The following IDUA variants were observed in gnomAD, a reference collection of about 807,000 sequenced individuals.
The protein encoded by IDUA is iduronidase alpha-L-.
IDUA carries 65 observed loss-of-function variants against 68.9 expected under a neutral mutation model. That is an observed-to-expected ratio of 0.94 (90% CI 0.77 to 1.16). The LOEUF (loss-of-function observed/expected upper bound fraction) is 1.16. Among genes scored for constraint, IDUA ranks in the 50% most tolerant of loss-of-function variants. The probability of loss-of-function intolerance (pLI) is 0.00; values close to 1 mark genes in which losing one functional copy is unlikely to be tolerated. For synonymous variants in IDUA, 529 were observed against 433.6 expected, an observed-to-expected ratio of 1.22 and a Z score of -2.73; for missense variants, 1,046 against 938.0, an observed-to-expected ratio of 1.12 and a Z score of -1.50.
At chr4:996,026 T>G (rs1330072439) in intron 2 of IDUA, among the ~76,000 whole-genome samples, 1 of 152,104 alleles carries the variant, frequency 6.6e-6, no homozygotes, top group African/African-American at 2.4e-5. Flanking sequence ...CTGAACAGGC[T>G]CCAGGGTCTC....
At position 989,644 on chromosome 4, in the gene IDUA, G is replaced by A. The variant is rs1044204124; in HGVS notation, c.299+1695G>A. On this transcript the variant is annotated intron_variant, in intron 2 of 13. Coordinates refer to ENST00000514224, the MANE Select transcript of IDUA (RefSeq NM_000203.5). ...GCTTCGCTGTAGGTCGTGGAACAGCGGTGCCAGCGCCAGCAGCACCAGCAG... is the reference window on the plus strand; with the variant it reads ...GCTTCGCTGTAGGTCGTGGAACAGCAGTGCCAGCGCCAGCAGCACCAGCAG... 6 of 1,593,204 alleles carry A rather than the reference G, an allele frequency of 3.8e-6. No individual in the cohort carries two copies. Among genetic ancestry groups the A allele is most frequent in the Admixed American group, 3.5e-5 (2 of 56,984 alleles).
chr4:999,397 A>G (rs138878348), intron 2 of IDUA, among the ~76,000 whole-genome samples: 28 of 152,128 alleles, frequency 1.8e-4, no homozygotes, highest in Middle Eastern at 3.4e-3. Flanking sequence ...CTGCTGCCTG[A>G]TTGTCATGTG....
At chr4:1,003,670 G>A (rs1715266674) in intron 12 of IDUA, 45 bp downstream of exon 12, 3 of 1,593,984 alleles carry the variant, frequency 1.9e-6, no homozygotes, top group African/African-American at 2.7e-5. Context: ...TCCTAGGCAG[G>A]TCCCTGGGTC....
rs1158881694 is a variant in IDUA, at chr4:1,002,260, C to A, written c.973-9C>A. 2 of 1,607,712 alleles carry A rather than the reference C, an allele frequency of 1.2e-6. No homozygotes were observed. Among genetic ancestry groups the A allele is most frequent in the Admixed American group, 3.4e-5 (2 of 59,522 alleles). ...GCCACCCGGTCCCAGCTGCCCTGGA[C>A]ACCCGCAGGTCATCGCGCAGCATCA... On this transcript the variant is annotated splice_polypyrimidine_tract_variant and intron_variant, in intron 7 of 13. Transcript: ENST00000514224.
chr4:987,253 C>T lies in IDUA; in HGVS notation c.158+11C>T, dbSNP rs1713802433. 4.0e-6 allele frequency: 6 copies of T among 1,514,360 alleles called. No homozygotes were observed. The highest frequency in any genetic ancestry group is 5.3e-6 in the Non-Finnish European group (6 of 1,138,322). The allele number at this position is 1,514,360 out of a possible 1,614,324, so 93.8% of individuals were successfully genotyped here. On this transcript the variant is annotated intron_variant, in intron 1 of 13. Transcript: ENST00000514224. ...GAGCACAGGCTTCTGGTGAGCGCTCCGCGGCCTCCGGGACCCCCTGGCCGC... is the reference window on the plus strand; with the variant it reads ...GAGCACAGGCTTCTGGTGAGCGCTCTGCGGCCTCCGGGACCCCCTGGCCGC...
intron 2 of IDUA, among the ~76,000 whole-genome samples, chr4:997,916 G>T (rs1214099176): frequency 6.6e-6 from 1 of 152,348 alleles, no homozygotes; most frequent in Admixed American, 6.5e-5. Flanking sequence ...GGCTCCCCCC[G>T]CTAGGGTCAG....
At position 1,002,826 on chromosome 4, in the gene IDUA, G is replaced by T; in HGVS notation, c.1284G>T (p.Gln428His). 6.9e-7 allele frequency: 1 copy of T among 1,456,102 alleles called. No individual in the cohort carries two copies. Among genetic ancestry groups the T allele is most frequent in the Non-Finnish European group, 9.0e-7 (1 of 1,110,276 alleles). The allele number at this position is 1,456,102 out of a possible 1,614,324, so 90.2% of individuals were successfully genotyped here. ...VGVLASAHRP[Q>H]GPADAWRAAV... The stretch of plus-strand genomic sequence containing the variant: ...TCCTGGCCAGCGCCCACCGCCCCCA[G>T]GGCCCGGCCGACGCCTGGCGCGCCG... The change falls in exon 9 of 14, where the codon CAG (glutamine) becomes CAT (histidine). Residue 428 changes from glutamine (Q) to histidine (H), a missense_variant. Coordinates refer to ENST00000514224, the MANE Select transcript of IDUA (RefSeq NM_000203.5).
In IDUA at chr4:991,039, T is replaced by G. The variant is rs112329002; in HGVS notation, c.299+3090T>G. ...GCCAGCACCTCCTCTGCCAACCCTGTGCTTGCCCCCAGCCTTGCCCTCGTG... is the reference window on the plus strand; with the variant it reads ...GCCAGCACCTCCTCTGCCAACCCTGGGCTTGCCCCCAGCCTTGCCCTCGTG... On this transcript the variant is annotated intron_variant, in intron 2 of 13. Transcript: ENST00000514224. 3.2e-3 allele frequency: 4,171 copies of G among 1,323,716 alleles called. 92 individuals carry two copies. In the African/African-American group the frequency reaches 0.054, roughly 17 times the overall value. 82.0% of individuals were successfully genotyped at this position (1,323,716 alleles called of 1,614,324 possible). A position where few individuals can be genotyped will look rare whatever the true frequency, so the allele number is the denominator to read the frequency against.
At chr4:1,000,410 G>A (rs967492271) in intron 2 of IDUA, among the ~76,000 whole-genome samples, 52 of 152,338 alleles carry the variant, frequency 3.4e-4, no homozygotes, top group Non-Finnish European at 2.2e-4. Context: ...AGGGTTGGGG[G>A]GTCTCCATGT....
At chr4:993,549 T>C (rs954418899) in intron 2 of IDUA, 4 of 151,954 alleles carry the variant, frequency 2.6e-5, no homozygotes, top group African/African-American at 9.7e-5. Context: ...AATCAGGGGC[T>C]TGTAGGAGTT....
chr4:1,003,865 T>C, intron 12 of IDUA, 147 bp from the exon 13 acceptor site: 1 of 846,612 alleles, frequency 1.2e-6, no homozygotes, highest in Non-Finnish European at 2.0e-6. Context: ...CTCTCCTGCC[T>C]GGGCAGGAAG....
At position 1,003,472 on chromosome 4, in the gene IDUA, C is replaced by T; in HGVS notation, c.1650+2C>T. ...CGCCCCGAGAAGCCGCCCGGGCAGG[C>T]AAGTGGCAGTCCCCTAACCCGCGCC... On this transcript the variant is annotated splice_donor_variant, in intron 11 of 13. Transcript: ENST00000514224. LOFTEE classifies it low-confidence loss of function (GC_TO_GT_DONOR). The T allele has an allele frequency of 6.4e-7, 1 of 1,574,554 alleles. No individual in the cohort carries two copies. Among genetic ancestry groups the T allele is most frequent in the Non-Finnish European group, 8.6e-7 (1 of 1,166,848 alleles).
intron 2 of IDUA, chr4:988,773 G>A (rs751288451): frequency 6.2e-5 from 91 of 1,463,272 alleles, no homozygotes; most frequent in Non-Finnish European, 7.7e-5. Flanking sequence ...GCAGTGGCTT[G>A]CAGACGTCTG....
intron 2 of IDUA, among the ~76,000 whole-genome samples, chr4:997,551 C>G (rs992354640): frequency 3.3e-5 from 5 of 151,488 alleles, no homozygotes; most frequent in African/African-American, 1.2e-4. Flanking sequence ...TGAATGAGCC[C>G]GTTGTGCGGC....
At chr4:991,789 G>A (rs532896324) in intron 2 of IDUA, 6 of 1,529,128 alleles carry the variant, frequency 3.9e-6, no homozygotes, top group Non-Finnish European at 5.2e-6. Flanking sequence ...CAAACGACAA[G>A]GTCCCCGGCA....
chr4:991,458 G>A, intron 2 of IDUA: 1 of 1,612,644 alleles, frequency 6.2e-7, no homozygotes, highest in African/African-American at 1.3e-5. Context: ...GCGGCACCAG[G>A]ATGATGCCGA....
chr4:987,849 A>T lies in IDUA; in HGVS notation c.199A>T (p.Ser67Cys), dbSNP rs370442463. The T allele has an allele frequency of 1.7e-5, 28 of 1,612,446 alleles. No individual in the cohort carries two copies. The South Asian group carries it at 3.0e-4, about 17-fold the overall frequency. Residue 67 changes from serine (S) to cysteine (C), a missense_variant, in exon 2 of 14, where the codon AGC becomes TGC. Transcript: ENST00000514224. ...CAGCCAGGCTGACCAGTACGTCCTC[A>T]GCTGGGACCAGCAGCTCAACCTCGC... ...PHSQADQYVL[S>C]WDQQLNLAYV...
At chr4:987,271 C>CA in intron 1 of IDUA, 29 bp downstream of exon 1, 1 of 1,510,996 alleles carries the variant, frequency 6.6e-7, no homozygotes, top group Non-Finnish European at 8.8e-7. Context: ...CCGGGACCCC[C>CA]TGGCCGCACG....
intron 2 of IDUA, among the ~76,000 whole-genome samples, chr4:998,142 C>T: frequency 6.6e-6 from 1 of 152,158 alleles, no homozygotes; most frequent in East Asian, 1.9e-4. Context: ...GTGGTAGGGG[C>T]CGGGTGGGGT....
Sources: allele counts gnomAD v4.1 joint callset (sites outside exome capture counted in the v4.1 genomes callset), GRCh38; gene constraint gnomAD v4.1.1; transcripts MANE v1.5; gene names NCBI Gene and HGNC (gene_info 2026-07-23, HGNC 2026-07-21).